Variants in MACF1 observed in about 807,000 individuals in gnomAD.
The protein encoded by MACF1 is microtubule-actin cross-linking factor 1.
A neutral mutation model predicts 854.8 loss-of-function variants in MACF1; 193 were observed. The observed-to-expected ratio is 0.23, with a 90% CI of 0.20 to 0.25. The LOEUF (loss-of-function observed/expected upper bound fraction) is 0.25, where lower values mean the gene tolerates loss of function less well. MACF1 is among the 10% of genes least tolerant of loss of function. MACF1 has a pLI of 1.00. For missense variants in MACF1, 7,722 were observed against 8,929.1 expected, an observed-to-expected ratio of 0.86 and a Z score of 5.45; for synonymous variants, 3,185 against 3,226.7, an observed-to-expected ratio of 0.99 and a Z score of 0.44.
chr1:39,288,509 A>AG (rs1324132626), intron 15 of MACF1, among the ~76,000 whole-genome samples: 1 of 141,528 alleles, frequency 7.1e-6, no homozygotes, highest in Non-Finnish European at 1.6e-5. Flanking sequence ...AAAAAAAAAA[A>AG]AAAGTACAGG....
intron 2 of MACF1, among the ~76,000 whole-genome samples, chr1:39,166,701 C>A (rs1200848428): frequency 1.3e-5 from 2 of 152,040 alleles, no homozygotes; most frequent in African/African-American, 4.8e-5. Context: ...GACCCATCTG[C>A]CTTGGCCTCC....
At chr1:39,474,552 G>A (rs1644839252) in intron 97 of MACF1, among the ~76,000 whole-genome samples, 2 of 151,860 alleles carry the variant, frequency 1.3e-5, no homozygotes, top group Admixed American at 1.3e-4. Context: ...AAAAATTAAC[G>A]GCCTGGTGGT....
intron 49 of MACF1, among the ~76,000 whole-genome samples, chr1:39,367,801 C>T (rs613511): frequency 0.39 from 55,633 of 144,046 alleles, 12,691 homozygotes; most frequent in African/African-American, 0.66. Context: ...TTTAATTGGG[C>T]TTTTTAATAC....
At chr1:39,359,465 A>T (rs571748519) in intron 47 of MACF1, among the ~76,000 whole-genome samples, 1 of 152,162 alleles carries the variant, frequency 6.6e-6, no homozygotes, top group African/African-American at 2.4e-5. Flanking sequence ...GACCTTCACA[A>T]TCTGGCTTCA....
chr1:39,250,630 C>T (rs1007114181), intron 3 of MACF1, among the ~76,000 whole-genome samples: 3 of 152,108 alleles, frequency 2.0e-5, no homozygotes, highest in Non-Finnish European at 2.9e-5. Flanking sequence ...TTGAGTCTTA[C>T]AGATTTGGAG....
intron 49 of MACF1, among the ~76,000 whole-genome samples, chr1:39,367,303 T>C (rs1648804864): frequency 6.6e-6 from 1 of 152,020 alleles, no homozygotes; most frequent in African/African-American, 2.4e-5. Flanking sequence ...CTTTTCCAAT[T>C]CTTACTCCAC....
chr1:39,417,800 A>T (rs1355750511), intron 58 of MACF1, among the ~76,000 whole-genome samples: 8 of 129,470 alleles, frequency 6.2e-5, no homozygotes, highest in Non-Finnish European at 1.1e-4. Flanking sequence ...CTGGTCTCGA[A>T]CTCCTGACCT....
chr1:39,255,699 G>A (rs1461662829), intron 5 of MACF1, among the ~76,000 whole-genome samples: 1 of 152,170 alleles, frequency 6.6e-6, no homozygotes, highest in Non-Finnish European at 1.5e-5. Flanking sequence ...ATAATGAATG[G>A]TCCTCAGTTG....
chr1:39,415,634 T>TA (rs1643270573), intron 58 of MACF1, among the ~76,000 whole-genome samples: 2 of 151,964 alleles, frequency 1.3e-5, no homozygotes, highest in African/African-American at 4.8e-5. Flanking sequence ...GTGCTGGGAT[T>TA]ACAGGCGTGA....
chr1:39,452,942 C>T, intron 87 of MACF1, 130 bp downstream of exon 87: 1 of 1,059,324 alleles, frequency 9.4e-7, no homozygotes, highest in South Asian at 1.7e-5. Context: ...CAGAGTGGCC[C>T]TAGCTCATTG....
Position 39,275,079 on chromosome 1 carries a change from C to CTT in MACF1, c.529-7113_529-7112dup, listed in dbSNP as rs765812955. Reference sequence around the variant, plus strand: ...ATACAGATCAAACAACAATAAGATACTTTTTTTTTTTTTTTTTGAGACAGA... The same window carrying CTT: ...ATACAGATCAAACAACAATAAGATACTTTTTTTTTTTTTTTTTTTGAGACAGA... On this transcript the variant is annotated intron_variant, in intron 6 of 100. Coordinates refer to ENST00000564288, the MANE Select transcript of MACF1 (RefSeq NM_001394062.1). 5.1e-3 allele frequency among the ~76,000 whole-genome samples: 707 copies of CTT among 138,048 alleles called. 4 individuals are homozygous for CTT. The highest frequency in any genetic ancestry group is 8.4e-3 in the East Asian group (40 of 4,748). 90.6% of individuals were successfully genotyped at this position (138,048 alleles called of 152,430 possible).
intron 49 of MACF1, among the ~76,000 whole-genome samples, chr1:39,366,752 TG>T (rs1026101515): frequency 6.6e-6 from 1 of 151,634 alleles, no homozygotes; most frequent in Middle Eastern, 3.4e-3. Flanking sequence ...TGGAGTGCTA[TG>T]GCACAATCTC....
At chr1:39,424,868 AT>A in intron 61 of MACF1, among the ~76,000 whole-genome samples, 1 of 152,206 alleles carries the variant, frequency 6.6e-6, no homozygotes, top group Non-Finnish European at 1.5e-5. Context: ...AGAGCTGATC[AT>A]TTGTTATTGT....
chr1:39,395,129 C>CAT, intron 58 of MACF1, among the ~76,000 whole-genome samples: 1 of 152,320 alleles, frequency 6.6e-6, no homozygotes, highest in Non-Finnish European at 1.5e-5. Context: ...CCACTATCAA[C>CAT]ATTTTGGACT....
chr1:39,091,327 T>C (rs1315405146), intron 2 of MACF1, among the ~76,000 whole-genome samples: 1 of 152,206 alleles, frequency 6.6e-6, no homozygotes, highest in African/African-American at 2.4e-5. Context: ...CCTAGTTTCA[T>C]TGCTCACTTG....
At chr1:39,091,701 C>T (rs181591105) in intron 2 of MACF1, among the ~76,000 whole-genome samples, 43 of 152,236 alleles carry the variant, frequency 2.8e-4, no homozygotes, top group Non-Finnish European at 5.6e-4. Flanking sequence ...TGGGTTTCAC[C>T]TTGTTGGCCA....
intron 15 of MACF1, 22 bp from the exon 16 acceptor site, chr1:39,291,888 A>G (rs776369848): frequency 4.4e-6 from 7 of 1,607,542 alleles, no homozygotes; most frequent in African/African-American, 2.7e-5. Context: ...ATTATGTCAT[A>G]TATATATTTT....
At chr1:39,408,774 G>C (rs1642826777) in intron 58 of MACF1, among the ~76,000 whole-genome samples, 1 of 152,070 alleles carries the variant, frequency 6.6e-6, no homozygotes, top group East Asian at 1.9e-4. Context: ...GTTCCCCTCT[G>C]GCCCCGGGGC....
chr1:39,393,275 C>T (rs624971), intron 58 of MACF1, among the ~76,000 whole-genome samples: 56,431 of 142,516 alleles, frequency 0.4, 13,175 homozygotes, highest in African/African-American at 0.66. Flanking sequence ...AAATTCCCTA[C>T]GTAGGTTTTA....
Sources: allele counts gnomAD v4.1 joint callset (sites outside exome capture counted in the v4.1 genomes callset), GRCh38; gene constraint gnomAD v4.1.1; transcripts MANE v1.5; gene names NCBI Gene and HGNC (gene_info 2026-07-23, HGNC 2026-07-21).